ADAMTS16: variants seen among roughly 807,000 people sequenced by gnomAD.
The protein encoded by ADAMTS16 is ADAM metallopeptidase with thrombospondin type 1 motif 16, also known as A disintegrin and metalloproteinase with thrombospondin motifs 16.
A neutral mutation model predicts 145.8 loss-of-function variants in ADAMTS16; 94 were observed. The ratio of observed to expected loss-of-function variants is 0.64; its 90% confidence interval spans 0.55 to 0.77. ADAMTS16 has a LOEUF of 0.77. ADAMTS16 is among the 30% of genes least tolerant of loss of function. ADAMTS16 has a pLI of 0.00. For missense variants in ADAMTS16, 1,585 were observed against 1,591.5 expected, an observed-to-expected ratio of 1.00 and a Z score of 0.07; for synonymous variants, 659 against 604.3, an observed-to-expected ratio of 1.09 and a Z score of -1.33.
chr5:5,292,827 G>A (rs1374922062), intron 18 of ADAMTS16, among the ~76,000 whole-genome samples: 1 of 152,152 alleles, frequency 6.6e-6, no homozygotes, highest in Non-Finnish European at 1.5e-5. Context: ...ACATTTGTTT[G>A]TCATCCCTCT....
At chr5:5,277,314 C>T (rs1384949477) in intron 18 of ADAMTS16, among the ~76,000 whole-genome samples, 1 of 152,206 alleles carries the variant, frequency 6.6e-6, no homozygotes, top group Non-Finnish European at 1.5e-5. Context: ...TGTTCAGTTA[C>T]TCGGCAGATA....
chr5:5,258,002 A>G (rs188092471), intron 17 of ADAMTS16, among the ~76,000 whole-genome samples: 3 of 152,308 alleles, frequency 2.0e-5, no homozygotes, highest in African/African-American at 4.8e-5. Context: ...AGTGACAAAG[A>G]GTTACATAGG....
intron 17 of ADAMTS16, among the ~76,000 whole-genome samples, chr5:5,244,332 A>G (rs1394100404): frequency 1.3e-5 from 2 of 152,196 alleles, no homozygotes; most frequent in Non-Finnish European, 1.5e-5. Flanking sequence ...CTTTCTATAG[A>G]AGCAAGATGA....
chr5:5,215,221 C>T (rs992332306), intron 10 of ADAMTS16, among the ~76,000 whole-genome samples: 1 of 152,114 alleles, frequency 6.6e-6, no homozygotes, highest in African/African-American at 2.4e-5. Flanking sequence ...ACATATATGA[C>T]AATGGCTTTT....
chr5:5,219,414 C>G (rs11746694), intron 10 of ADAMTS16, among the ~76,000 whole-genome samples: 1 of 152,076 alleles, frequency 6.6e-6, no homozygotes, highest in African/African-American at 2.4e-5. Flanking sequence ...TCTCAGCCTC[C>G]GGTAACTATC....
intron 3 of ADAMTS16, among the ~76,000 whole-genome samples, chr5:5,156,160 A>G (rs567170468): frequency 1.3e-5 from 2 of 152,322 alleles, no homozygotes; most frequent in African/African-American, 4.8e-5. Flanking sequence ...TGGGATTTGT[A>G]TAGTTCCAGG....
rs566710714 is a variant in ADAMTS16, at chr5:5,219,001, G to A, written c.1606-3788G>A. On this transcript the variant is annotated intron_variant, in intron 10 of 22. Coordinates refer to ENST00000274181, the MANE Select transcript of ADAMTS16 (RefSeq NM_139056.4). ...TTTCCACGGGCACAGGATCGGGGGCGTGGCAGGCCAGAGTAGTCTTGGAAA... is the reference window on the plus strand; with the variant it reads ...TTTCCACGGGCACAGGATCGGGGGCATGGCAGGCCAGAGTAGTCTTGGAAA... Among the ~76,000 whole-genome samples the A allele has an allele frequency of 6.4e-4, 97 of 152,238 alleles. No individual in the cohort carries two copies. In the East Asian group the frequency reaches 9.1e-3, roughly 14 times the overall value.
chr5:5,233,338 T>A (rs577460726), intron 12 of ADAMTS16, among the ~76,000 whole-genome samples: 198 of 152,362 alleles, frequency 1.3e-3, no homozygotes, highest in Non-Finnish European at 2.1e-3. Flanking sequence ...TTTAATTTTT[T>A]AAATTTAACT....
At chr5:5,148,450 T>G (rs1734361407) in intron 3 of ADAMTS16, among the ~76,000 whole-genome samples, 1 of 152,232 alleles carries the variant, frequency 6.6e-6, no homozygotes, top group Admixed American at 6.5e-5. Flanking sequence ...CTTTCAAGTG[T>G]AAAAATATAT....
chr5:5,194,759 A>G (rs1319986003), intron 8 of ADAMTS16, among the ~76,000 whole-genome samples: 1 of 152,256 alleles, frequency 6.6e-6, no homozygotes, highest in Non-Finnish European at 1.5e-5. Context: ...ACATCAGAGC[A>G]TCAACGGTCT....
At chr5:5,308,931 CAGAG>C (rs1740300641) in intron 21 of ADAMTS16, among the ~76,000 whole-genome samples, 2 of 131,828 alleles carry the variant, frequency 1.5e-5, no homozygotes, top group Non-Finnish European at 1.6e-5. Flanking sequence ...GTCTGGGTAA[CAGAG>C]AGAGACTCCG....
intron 3 of ADAMTS16, among the ~76,000 whole-genome samples, chr5:5,173,732 C>G (rs957325897): frequency 6.6e-6 from 1 of 152,114 alleles, no homozygotes; most frequent in African/African-American, 2.4e-5. Flanking sequence ...CTCGGCCTCC[C>G]AAAGTGCTGG....
rs371323168 is a variant in ADAMTS16, at chr5:5,239,776, C to T, written c.2374C>T (p.Leu792Phe). The T allele has an allele frequency of 1.2e-6, 2 of 1,614,138 alleles. No individual in the cohort carries two copies. Among genetic ancestry groups the T allele is most frequent in the Admixed American group, 3.3e-5 (2 of 60,020 alleles). Residue 792 changes from leucine (L) to phenylalanine (F), a missense_variant, in exon 16 of 23, where the codon CTC becomes TTC. Transcript: ENST00000274181. ...STSYISVRNA[L>F]RRYYLNGHWT... ...CTCCTACATTTCTGTGCGCAATGCC[C>T]TCAGAAGGTACTACCTGAATGGGCA... is the stretch of plus-strand genomic sequence containing the variant.
chr5:5,315,292 T>C (rs1358341492), intron 21 of ADAMTS16, among the ~76,000 whole-genome samples: 1 of 152,138 alleles, frequency 6.6e-6, no homozygotes, highest in Non-Finnish European at 1.5e-5. Context: ...GATTATGGGA[T>C]TATGACACTT....
intron 5 of ADAMTS16, among the ~76,000 whole-genome samples, chr5:5,186,854 G>T (rs1355595442): frequency 6.6e-6 from 1 of 152,180 alleles, no homozygotes; most frequent in Non-Finnish European, 1.5e-5. Context: ...GGTTGCCAAA[G>T]TGTGTTTTTA....
intron 9 of ADAMTS16, among the ~76,000 whole-genome samples, chr5:5,206,548 C>T (rs1241492891): frequency 1.3e-5 from 2 of 149,872 alleles, no homozygotes; most frequent in Non-Finnish European, 3.0e-5. Context: ...GGTATGATCT[C>T]GGCTCACTGT....
At chr5:5,149,317 C>A (rs1453757524) in intron 3 of ADAMTS16, among the ~76,000 whole-genome samples, 1 of 151,406 alleles carries the variant, frequency 6.6e-6, no homozygotes, top group Non-Finnish European at 1.5e-5. Flanking sequence ...TCACCAAACA[C>A]AAGCACATAA....
intron 18 of ADAMTS16, among the ~76,000 whole-genome samples, chr5:5,297,247 A>G (rs972807875): frequency 6.6e-6 from 1 of 152,188 alleles, no homozygotes; most frequent in Non-Finnish European, 1.5e-5. Context: ...AATGGCGTAT[A>G]TGGCTGTGGA....
chr5:5,193,649 A>G (rs1735725506), intron 8 of ADAMTS16, among the ~76,000 whole-genome samples: 1 of 152,238 alleles, frequency 6.6e-6, no homozygotes, highest in African/African-American at 2.4e-5. Flanking sequence ...CCCTCAGTTG[A>G]TCTTCAGTGT....
Sources: gnomAD v4.1 joint callset for allele counts (sites outside exome capture counted in the v4.1 genomes callset) on GRCh38, gnomAD v4.1.1 for gene constraint, MANE v1.5 for transcripts, NCBI Gene and HGNC (gene_info 2026-07-23, HGNC 2026-07-21) for gene names.